TNFRSF1B: variants seen among roughly 807,000 people sequenced by gnomAD.
The protein encoded by TNFRSF1B is TNF receptor superfamily member 1B, also known as tumor necrosis factor receptor superfamily member 1B.
Under a neutral mutation model 44.6 loss-of-function variants are expected in TNFRSF1B, and 19 were observed. The ratio of observed to expected loss-of-function variants is 0.43; its 90% confidence interval spans 0.30 to 0.62. The LOEUF (loss-of-function observed/expected upper bound fraction) is 0.62. TNFRSF1B is among the 20% of genes least tolerant of loss of function. TNFRSF1B has a pLI of 0.16. For missense variants in TNFRSF1B, 541 were observed against 619.9 expected (o/e 0.87, Z 1.35); for synonymous variants, 252 against 261.1 (o/e 0.97, Z 0.34).
Position 12,192,514 on chromosome 1 carries a change from C to G in TNFRSF1B, c.541C>G (p.Pro181Ala). 1 of 1,614,102 alleles carries G rather than the reference C, an allele frequency of 6.2e-7. No homozygotes were observed. The highest frequency in any genetic ancestry group is 8.5e-7 in the Non-Finnish European group (1 of 1,179,964). ...NTTSSTDICR[P>A]HQICNVVAIP... ...GACTTCATCCACGGATATTTGCAGG[C>G]CCCACCAGATGTGAGTAGCTGAGTC... The change falls in exon 5 of 10, where the codon CCC (proline) becomes GCC (alanine). Residue 181 changes from proline (P) to alanine (A), a missense_variant. Pro to Ala is a conservative substitution (Grantham distance 27, BLOSUM62 -1). Coordinates refer to ENST00000376259, the MANE Select transcript of TNFRSF1B (RefSeq NM_001066.3).
intron 3 of TNFRSF1B, 76 bp from the exon 4 acceptor site, chr1:12,191,698 T>G: frequency 6.3e-7 from 1 of 1,586,166 alleles, no homozygotes; most frequent in South Asian, 1.1e-5. Flanking sequence ...TGTCTGAGAG[T>G]GCTGGGCTGT....
rs527371295 is a variant in TNFRSF1B at position 12,174,263 on chromosome 1, C to T, written c.78+7094C>T. ...CCTTCTCCTTCTCCTTCTCCTTCTTCTTCTGATGGAGTCTGACTCCGTTGC... is the reference window on the plus strand; with the variant it reads ...CCTTCTCCTTCTCCTTCTCCTTCTTTTTCTGATGGAGTCTGACTCCGTTGC... On this transcript the variant is annotated intron_variant, in intron 1 of 9. Transcript: ENST00000376259. 8.1e-3 allele frequency among the ~76,000 whole-genome samples: 1,161 copies of T among 142,628 alleles called. 22 individuals carry two copies. The highest frequency in any genetic ancestry group is 0.028 in the African/African-American group (1,078 of 38,678). The allele number at this position is 142,628 out of a possible 152,430, so 93.6% of individuals were successfully genotyped here.
At position 12,177,808 on chromosome 1, in the gene TNFRSF1B, A is replaced by G. The variant is rs1251120570; in HGVS notation, c.78+10639A>G. Among the ~76,000 whole-genome samples the G allele has an allele frequency of 2.0e-5, 3 of 151,946 alleles. No individual in the cohort carries two copies. The highest frequency in any genetic ancestry group is 2.9e-5 in the Non-Finnish European group (2 of 67,958). ...GATTCTGTCTCCAAAAAAAAAAAAA[A>G]AAGAAGAGCTGACATTTAGCGGGTG... On this transcript the variant is annotated intron_variant, in intron 1 of 9. Transcript: ENST00000376259. This position sits in a 1 kb window ranked among gnomAD's most constrained non-coding sequence, Gnocchi z 4.3.
chr1:12,183,720 C>CTACCTATCTATCTATCTAT lies in TNFRSF1B; in HGVS notation c.79-5076_79-5075insTACCTATCTATCTATCTAT, dbSNP rs1638889745. 3.9e-4 allele frequency among the ~76,000 whole-genome samples: 36 copies of CTACCTATCTATCTATCTAT among 92,198 alleles called. 2 individuals are homozygous for CTACCTATCTATCTATCTAT. Among genetic ancestry groups the CTACCTATCTATCTATCTAT allele is most frequent in the Middle Eastern group, 8.1e-3 (1 of 124 alleles). 60.5% of individuals were successfully genotyped at this position (92,198 alleles called of 152,430 possible). On this transcript the variant is annotated intron_variant, in intron 1 of 9. Transcript: ENST00000376259. ...TCTATCTATCTATCTATTCTATCTACCTATCTATCTATCTATCTATCTATC... is the reference window on the plus strand; with the variant it reads ...TCTATCTATCTATCTATTCTATCTACTACCTATCTATCTATCTATCTATCTATCTATCTATCTATCTATC...
chr1:12,192,354 C>A (rs1639163378), intron 4 of TNFRSF1B, 77 bp from the exon 5 acceptor site: 1 of 1,399,044 alleles, frequency 7.1e-7, no homozygotes, highest in Non-Finnish European at 1.0e-6. Context: ...TCAGACCTCT[C>A]CTAGGGCTCT....
chr1:12,185,286 A>G (rs17879855), intron 1 of TNFRSF1B, among the ~76,000 whole-genome samples: 99 of 151,722 alleles, frequency 6.5e-4, no homozygotes, highest in African/African-American at 2.3e-3. Flanking sequence ...GGAGCGTGAG[A>G]ATCACTGGGG....
intron 7 of TNFRSF1B, 144 bp downstream of exon 7, chr1:12,194,176 G>C (rs1249019824): frequency 1.5e-6 from 1 of 677,304 alleles, no homozygotes; most frequent in African/African-American, 1.8e-5. Flanking sequence ...CTTAAGGCCT[G>C]GGGTGAAGGT....
rs78400727 is a variant in TNFRSF1B, at chr1:12,184,647, C to T, written c.79-4149C>T. Among the ~76,000 whole-genome samples the T allele has an allele frequency of 5.3e-3, 809 of 152,314 alleles. 11 individuals are homozygous for T. Among genetic ancestry groups the T allele is most frequent in the African/African-American group, 0.019 (773 of 41,568 alleles). ...CCTGCCGTTAGTGGCCAGGAGCCCT[C>T]GTCCATTGCGGCTCTTGAGAGCCCA... On this transcript the variant is annotated intron_variant, in intron 1 of 9. Coordinates refer to ENST00000376259, the MANE Select transcript of TNFRSF1B (RefSeq NM_001066.3).
At chr1:12,202,594 C>T (rs530319572) in intron 9 of TNFRSF1B, among the ~76,000 whole-genome samples, 1 of 152,356 alleles carries the variant, frequency 6.6e-6, no homozygotes, top group African/African-American at 2.4e-5. Context: ...TCATCTCATT[C>T]ATCCCTGTAT....
At chr1:12,188,696 G>C in intron 1 of TNFRSF1B, 100 bp from the exon 2 acceptor site, 1 of 1,104,690 alleles carries the variant, frequency 9.1e-7, no homozygotes, top group Non-Finnish European at 1.3e-6. Context: ...CAGACTGGCA[G>C]GGGGAGGGCC....
rs1320103976 is a variant in TNFRSF1B at position 12,180,894 on chromosome 1, C to G, written c.79-7902C>G. On this transcript the variant is annotated intron_variant, in intron 1 of 9. Transcript: ENST00000376259. This position sits in a 1 kb window ranked among gnomAD's most constrained non-coding sequence, Gnocchi z 4.3. Reference sequence around the variant, plus strand: ...CCTGGGTTTTGTCCACTCACCCAGACTCTGTTTTGGGGTCACATTACCCTT... The same window carrying G: ...CCTGGGTTTTGTCCACTCACCCAGAGTCTGTTTTGGGGTCACATTACCCTT... 2.6e-5 allele frequency among the ~76,000 whole-genome samples: 4 copies of G among 152,196 alleles called. No individual in the cohort carries two copies. Among genetic ancestry groups the G allele is most frequent in the Non-Finnish European group, 5.9e-5 (4 of 68,036 alleles).
In TNFRSF1B at chr1:12,188,882, C is replaced by T. The variant is rs1372059294; in HGVS notation, c.165C>T (p.Ser55=). The T allele has an allele frequency of 1.2e-6, 2 of 1,613,484 alleles. No individual in the cohort carries two copies. Among genetic ancestry groups the T allele is most frequent in the African/African-American group, 2.7e-5 (2 of 75,040 alleles). The part of the protein sequence containing the change: ...YYDQTAQMCC[S]KCSPGQHAKV... ...ACCAGACAGCTCAGATGTGCTGCAGCAAATGCTCGCCGGGTGAGGGCAGCC... is the reference window on the plus strand; with the variant it reads ...ACCAGACAGCTCAGATGTGCTGCAGTAAATGCTCGCCGGGTGAGGGCAGCC... The change falls in exon 2 of 10, where the codon AGC becomes AGT. Residue 55 remains serine (S), a synonymous_variant. Transcript: ENST00000376259.
rs1299707374 is a variant in TNFRSF1B at position 12,192,459 on chromosome 1, G to T, written c.486G>T (p.Lys162Asn). 3.1e-6 allele frequency: 5 copies of T among 1,614,154 alleles called. No homozygotes were observed. The highest frequency in any genetic ancestry group is 4.2e-6 in the Non-Finnish European group (5 of 1,180,030). ...PGTETSDVVC[K>N]PCAPGTFSNT... ...CTGAAACATCAGACGTGGTGTGCAA[G>T]CCCTGTGCCCCGGGGACGTTCTCCA... Residue 162 changes from lysine to asparagine, a missense_variant, in exon 5 of 10, where the codon AAG (lysine) becomes AAT (asparagine). By Grantham distance (94) the Lys-to-Asn change is moderately conservative. Coordinates refer to ENST00000376259, the MANE Select transcript of TNFRSF1B (RefSeq NM_001066.3).
intron 7 of TNFRSF1B, among the ~76,000 whole-genome samples, chr1:12,194,270 A>G (rs1250271596): frequency 2.0e-5 from 3 of 152,172 alleles, no homozygotes; most frequent in Non-Finnish European, 1.5e-5. Flanking sequence ...CCTATCCAGG[A>G]AGCCTGGGGG....
At position 12,169,847 on chromosome 1, in the gene TNFRSF1B, G is replaced by C. The variant is rs1638483192; in HGVS notation, c.78+2678G>C. ...GGGCTGTCTGGGGAGGAGGATGAGG[G>C]GTCTCTGCCTGATGGGCCTGGCCCA... On this transcript the variant is annotated intron_variant, in intron 1 of 9. Coordinates refer to ENST00000376259, the MANE Select transcript of TNFRSF1B (RefSeq NM_001066.3). This position sits in a 1 kb window ranked among gnomAD's most constrained non-coding sequence, Gnocchi z 4.5. Among the ~76,000 whole-genome samples, 2 of 152,232 alleles carry C rather than the reference G, an allele frequency of 1.3e-5. No individual in the cohort carries two copies. The highest frequency in any genetic ancestry group is 4.8e-5 in the African/African-American group (2 of 41,456).
rs1460434443 is a variant in TNFRSF1B at position 12,186,825 on chromosome 1, G to A, written c.79-1971G>A. 6.6e-6 allele frequency among the ~76,000 whole-genome samples: 1 copy of A among 152,222 alleles called. No individual in the cohort carries two copies. The highest frequency in any genetic ancestry group is 6.5e-5 in the Admixed American group (1 of 15,290). On this transcript the variant is annotated intron_variant, in intron 1 of 9. Coordinates refer to ENST00000376259, the MANE Select transcript of TNFRSF1B (RefSeq NM_001066.3). The surrounding 1 kb of genome is among the most constrained non-coding windows in gnomAD (Gnocchi z 4.8). ...CCCCTGAAGGACTTGGGGTGTGTGT[G>A]TACACCCTCTTTGCTTGTACAGATG... is the stretch of plus-strand genomic sequence containing the variant.
chr1:12,193,349 G>A (rs922621766), intron 6 of TNFRSF1B, among the ~76,000 whole-genome samples: 3 of 152,234 alleles, frequency 2.0e-5, no homozygotes, highest in Admixed American at 2.0e-4. Context: ...AAGGAGGCTG[G>A]AGGATTGCTT....
chr1:12,194,135 G>A, intron 7 of TNFRSF1B, 103 bp downstream of exon 7: 1 of 921,216 alleles, frequency 1.1e-6, no homozygotes, highest in Non-Finnish European at 1.8e-6. Context: ...GTCAGACAGA[G>A]CTGGATATGG....
chr1:12,201,848 G>A (rs1265663454), intron 8 of TNFRSF1B, 119 bp from the exon 9 acceptor site: 9 of 1,369,294 alleles, frequency 6.6e-6, no homozygotes, highest in African/African-American at 4.4e-5. Context: ...GGGCAGAAAC[G>A]TCACGTAAAC....
Sources: allele counts gnomAD v4.1 joint callset (sites outside exome capture counted in the v4.1 genomes callset), GRCh38; gene constraint gnomAD v4.1.1; non-coding constraint Gnocchi (gnomAD v3.1); transcripts MANE v1.5; gene names NCBI Gene and HGNC (gene_info 2026-07-23, HGNC 2026-07-21).